Variants in GRHL3 observed in about 807,000 individuals in gnomAD.
The protein encoded by GRHL3 is grainyhead-like protein 3 homolog.
Under a neutral mutation model 70.3 loss-of-function variants are expected in GRHL3, and 20 were observed. The ratio of observed to expected loss-of-function variants is 0.28; its 90% confidence interval spans 0.20 to 0.41. The LOEUF is 0.41. GRHL3 is among the 10% of genes least tolerant of loss of function. GRHL3 has a pLI of 1.00. For missense variants in GRHL3, 637 were observed against 762.3 expected, an observed-to-expected ratio of 0.84 and a Z score of 1.94; for synonymous variants, 299 against 299.9, an observed-to-expected ratio of 1.00 and a Z score of 0.03.
intron 7 of GRHL3, among the ~76,000 whole-genome samples, chr1:24,339,332 G>A (rs1639948412): frequency 6.7e-6 from 1 of 149,624 alleles, no homozygotes; most frequent in Non-Finnish European, 1.5e-5. Flanking sequence ...CTAGAGTGCA[G>A]TGGCGCGATC....
At chr1:24,361,794 A>G (rs1353738984) in intron 15 of GRHL3, among the ~76,000 whole-genome samples, 5 of 152,138 alleles carry the variant, frequency 3.3e-5, no homozygotes, top group Non-Finnish European at 7.3e-5. Flanking sequence ...CCGGACCTGT[A>G]CTTGAGTCCT....
chr1:24,332,269 C>T (rs1287555253), intron 2 of GRHL3, among the ~76,000 whole-genome samples: 1 of 152,182 alleles, frequency 6.6e-6, no homozygotes, highest in Non-Finnish European at 1.5e-5. Context: ...TCTCCCTCTC[C>T]TGAGGGTCTT....
chr1:24,363,850 G>C (rs1364026954), intron 15 of GRHL3, among the ~76,000 whole-genome samples: 1 of 152,188 alleles, frequency 6.6e-6, no homozygotes, highest in East Asian at 1.9e-4. Flanking sequence ...GAAAGCTGTA[G>C]CTGTTATGGC....
chr1:24,339,010 T>C (rs1483670206), intron 7 of GRHL3, among the ~76,000 whole-genome samples: 3 of 152,342 alleles, frequency 2.0e-5, no homozygotes, highest in East Asian at 1.9e-4. Flanking sequence ...CCTATTACTG[T>C]TGTTATTACC....
chr1:24,349,251 C>T (rs1406940089), intron 14 of GRHL3, among the ~76,000 whole-genome samples: 3 of 152,180 alleles, frequency 2.0e-5, no homozygotes, highest in Non-Finnish European at 4.4e-5. Context: ...AGCCTCTGAC[C>T]CACAGTCTCC....
chr1:24,332,904 G>A (rs184461368), intron 2 of GRHL3, among the ~76,000 whole-genome samples: 74 of 152,252 alleles, frequency 4.9e-4, no homozygotes, highest in Admixed American at 1.7e-3. Context: ...CCTCCTCCCC[G>A]GCAGACTGGT....
chr1:24,364,155 T>C, intron 15 of GRHL3: 1 of 1,479,062 alleles, frequency 6.8e-7, no homozygotes, highest in Non-Finnish European at 9.0e-7. Flanking sequence ...AAACTCGAAT[T>C]CAATTCTTGA....
rs898627630 is a variant in GRHL3, at chr1:24,344,936, G to A, written c.1454+5G>A. ...AGGACCCAGCAGCTCCAACAGGTAT[G>A]GAGAGAAACAACCACACGCCTCCCT... On this transcript the variant is annotated splice_donor_5th_base_variant and intron_variant, in intron 12 of 15. Transcript: ENST00000361548. 6.2e-7 allele frequency: 1 copy of A among 1,613,376 alleles called. No individual in the cohort carries two copies. Among genetic ancestry groups the A allele is most frequent in the Non-Finnish European group, 8.5e-7 (1 of 1,179,658 alleles).
chr1:24,346,779 G>T lies in GRHL3; in HGVS notation c.1543+138G>T. The stretch of plus-strand genomic sequence containing the variant: ...GGAGCTAGGTTTAGGTTAAGACTTG[G>T]GGGTGGGGGTAAGGAGGGAACCTCA... On this transcript the variant is annotated intron_variant, in intron 13 of 15. Coordinates refer to ENST00000361548, the MANE Select transcript of GRHL3 (RefSeq NM_198173.3). 3 of 649,128 alleles carry T rather than the reference G, an allele frequency of 4.6e-6. No individual in the cohort carries two copies. In the South Asian group the frequency reaches 6.2e-5, roughly 13 times the overall value. 40.2% of individuals were successfully genotyped at this position (649,128 alleles called of 1,614,324 possible).
intron 13 of GRHL3, 90 bp downstream of exon 13, chr1:24,346,731 C>A: frequency 1.0e-6 from 1 of 984,626 alleles, no homozygotes; most frequent in Non-Finnish European, 1.6e-6. Context: ...TGGGGTGGGG[C>A]ACGAGGCGCT....
intron 14 of GRHL3, 85 bp downstream of exon 14, chr1:24,347,638 C>T (rs1640343630): frequency 8.9e-7 from 1 of 1,119,794 alleles, no homozygotes; most frequent in Admixed American, 1.7e-5. Flanking sequence ...TCTGATTTCC[C>T]ACAGGAGGGA....
chr1:24,323,249 G>C, intron 1 of GRHL3: 1 of 664,936 alleles, frequency 1.5e-6, no homozygotes, highest in Non-Finnish European at 2.7e-6. Flanking sequence ...TGTGGTCCGT[G>C]GACCATCATC....
At chr1:24,337,553 C>A in intron 5 of GRHL3, 83 bp from the exon 6 acceptor site, 1 of 1,411,170 alleles carries the variant, frequency 7.1e-7, no homozygotes, top group Non-Finnish European at 9.8e-7. Flanking sequence ...TGTAACATAG[C>A]CTCAGGCTTC....
At chr1:24,343,585 A>G (rs1207459819) in intron 11 of GRHL3, among the ~76,000 whole-genome samples, 1 of 152,114 alleles carries the variant, frequency 6.6e-6, no homozygotes, top group Non-Finnish European at 1.5e-5. Flanking sequence ...CCGCCTCTCA[A>G]GCAGCCGGGA....
chr1:24,319,590 C>T, intron 1 of GRHL3, 22 bp downstream of exon 1: 1 of 1,613,718 alleles, frequency 6.2e-7, no homozygotes. Context: ...TCGGTGGATA[C>T]CTGCCGCTCT....
In GRHL3 at chr1:24,334,866, T is replaced by C. The variant is rs757769876; in HGVS notation, c.266+160T>C. Among the ~76,000 whole-genome samples, 1 of 152,086 alleles carries C rather than the reference T, an allele frequency of 6.6e-6. No homozygotes were observed. ...GATAATGTTTTCATTTATTTTAAAA[T>C]TAAAAGAAAAAAATCAATATAATCC... On this transcript the variant is annotated intron_variant, in intron 3 of 15. Coordinates refer to ENST00000361548, the MANE Select transcript of GRHL3 (RefSeq NM_198173.3). The surrounding 1 kb of genome is among the most constrained non-coding windows in gnomAD (Gnocchi z 4.3).
At chr1:24,355,434 G>A (rs530109226), downstream of GRHL3, 4 of 152,408 alleles carry the variant, frequency 2.6e-5, no homozygotes, top group East Asian at 7.7e-4. Context: ...AGAACGGGTT[G>A]CCCTGGACTT....
At chr1:24,333,274 A>G (rs1639676731) in intron 2 of GRHL3, among the ~76,000 whole-genome samples, 1 of 152,186 alleles carries the variant, frequency 6.6e-6, no homozygotes, top group African/African-American at 2.4e-5. Flanking sequence ...AGGAGCACCA[A>G]GTCGGGAATT....
chr1:24,331,703 C>A lies in GRHL3; in HGVS notation c.204+91C>A, dbSNP rs377031313. 5.2e-4 allele frequency: 582 copies of A among 1,114,480 alleles called. 2 individuals are homozygous for A. The African/African-American group carries it at 8.0e-3, about 15-fold the overall frequency. 69.0% of individuals were successfully genotyped at this position (1,114,480 alleles called of 1,614,324 possible). On this transcript the variant is annotated intron_variant, in intron 2 of 15. Transcript: ENST00000361548. Reference sequence around the variant, plus strand: ...GGCTCAGCAGCCCACCATGACCACCCCAGCCCCTCATCTCTGGGCCTTTGC... The same window carrying A: ...GGCTCAGCAGCCCACCATGACCACCACAGCCCCTCATCTCTGGGCCTTTGC...
Sources: gnomAD v4.1 joint callset for allele counts (sites outside exome capture counted in the v4.1 genomes callset) on GRCh38, gnomAD v4.1.1 for gene constraint, Gnocchi (gnomAD v3.1) non-coding constraint, MANE v1.5 for transcripts, NCBI Gene and HGNC (gene_info 2026-07-23, HGNC 2026-07-21) for gene names.